MACROD2: variants seen among roughly 807,000 people sequenced by gnomAD.
The protein encoded by MACROD2 is mono-ADP ribosylhydrolase 2.
MACROD2 carries 36 observed loss-of-function variants against 70.4 expected under a neutral mutation model. That is an observed-to-expected ratio of 0.51 (90% CI 0.39 to 0.68). MACROD2 has a LOEUF of 0.68. Among genes scored for constraint, MACROD2 ranks in the 30% least tolerant of loss-of-function variants. MACROD2 has a pLI of 0.00. For missense variants in MACROD2, 496 were observed against 538.4 expected (o/e 0.92, Z 0.78); for synonymous variants, 172 against 178.8 (o/e 0.96, Z 0.30).
At chr20:15,098,885 G>C (rs1376647343) in intron 5 of MACROD2, among the ~76,000 whole-genome samples, 2 of 152,170 alleles carry the variant, frequency 1.3e-5, no homozygotes, top group Non-Finnish European at 2.9e-5. Context: ...GCCATCTTCA[G>C]GATAATTTTC....
At chr20:15,901,103 A>T (rs995817139) in intron 10 of MACROD2, among the ~76,000 whole-genome samples, 3 of 152,114 alleles carry the variant, frequency 2.0e-5, no homozygotes, top group Non-Finnish European at 2.9e-5. Flanking sequence ...TTTTAAATGC[A>T]TTGCTTGCAT....
intron 3 of MACROD2, among the ~76,000 whole-genome samples, chr20:14,332,317 A>AT (rs1216649903): frequency 3.3e-5 from 5 of 152,134 alleles, no homozygotes; most frequent in African/African-American, 1.2e-4. Flanking sequence ...GGAAACTAAT[A>AT]TAAGAAGTTG....
At chr20:15,547,641 G>A (rs1232074318) in intron 8 of MACROD2, among the ~76,000 whole-genome samples, 1 of 152,162 alleles carries the variant, frequency 6.6e-6, no homozygotes, top group African/African-American at 2.4e-5. Context: ...AATGTGTAAT[G>A]TGATCGCAAA....
At chr20:14,513,841 A>G (rs1482625643) in intron 4 of MACROD2, among the ~76,000 whole-genome samples, 1 of 152,066 alleles carries the variant, frequency 6.6e-6, no homozygotes. Context: ...TCACCATTAC[A>G]TAGTTTTAGT....
chr20:14,167,229 T>C (rs375923692), intron 3 of MACROD2, among the ~76,000 whole-genome samples: 52 of 152,254 alleles, frequency 3.4e-4, no homozygotes, highest in African/African-American at 1.2e-3. Flanking sequence ...TAATAGTTAA[T>C]TGTTGACAGT....
rs527536669 is a variant in MACROD2 at position 15,591,506 on chromosome 20, C to T, written c.645+91659C>T. On this transcript the variant is annotated intron_variant, in intron 8 of 17. Coordinates refer to ENST00000684519, the MANE Select transcript of MACROD2 (RefSeq NM_001351661.2). Reference sequence around the variant, plus strand: ...TGTCCCAGGAGGAGGTAATCATAGACACGTTGCTGCTTACAATGATGCTGA... The same window carrying T: ...TGTCCCAGGAGGAGGTAATCATAGATACGTTGCTGCTTACAATGATGCTGA... 9.8e-5 allele frequency among the ~76,000 whole-genome samples: 14 copies of T among 143,146 alleles called. No individual in the cohort carries two copies. The South Asian group carries it at 1.8e-3, about 18-fold the overall frequency. The allele number at this position is 143,146 out of a possible 152,430, so 93.9% of individuals were successfully genotyped here.
chr20:14,592,989 T>C (rs1251598754), intron 4 of MACROD2, among the ~76,000 whole-genome samples: 1 of 152,146 alleles, frequency 6.6e-6, no homozygotes, highest in Non-Finnish European at 1.5e-5. Flanking sequence ...ACATTAGGCC[T>C]CAAAATCTTA....
At chr20:15,479,568 C>T (rs914333649) in intron 7 of MACROD2, among the ~76,000 whole-genome samples, 5 of 152,148 alleles carry the variant, frequency 3.3e-5, no homozygotes, top group Non-Finnish European at 7.3e-5. Context: ...CCACCGCGCC[C>T]GGCCTAGATT....
intron 8 of MACROD2, among the ~76,000 whole-genome samples, chr20:15,527,985 G>T (rs985228766): frequency 6.6e-6 from 1 of 152,136 alleles, no homozygotes; most frequent in Non-Finnish European, 1.5e-5. Context: ...AAGGATTTTT[G>T]ATTATTTTAT....
intron 6 of MACROD2, among the ~76,000 whole-genome samples, chr20:15,413,338 T>C (rs925263501): frequency 1.3e-5 from 2 of 152,270 alleles, no homozygotes; most frequent in Non-Finnish European, 1.5e-5. Flanking sequence ...CTAAAGGAAA[T>C]ACACCATATG....
rs190905522 is a variant in MACROD2, at chr20:15,747,135, A to C, written c.646-115610A>C. Among the ~76,000 whole-genome samples the C allele has an allele frequency of 2.6e-5, 4 of 152,260 alleles. No homozygotes were observed. In the East Asian group the frequency reaches 7.7e-4, roughly 29 times the overall value. ...GTCAGAGTGAAAAAAGAGTATCCTC[A>C]AAGTTCCTCCCTCTACCATAATAAG... On this transcript the variant is annotated intron_variant, in intron 8 of 17. Coordinates refer to ENST00000684519, the MANE Select transcript of MACROD2 (RefSeq NM_001351661.2).
At chr20:15,915,280 G>A (rs937591291) in intron 10 of MACROD2, among the ~76,000 whole-genome samples, 1 of 152,006 alleles carries the variant, frequency 6.6e-6, no homozygotes, top group Non-Finnish European at 1.5e-5. Flanking sequence ...GCCCCACCCT[G>A]AAGCTATCGA....
At chr20:15,768,684 A>G (rs1242848941) in intron 8 of MACROD2, among the ~76,000 whole-genome samples, 1 of 152,224 alleles carries the variant, frequency 6.6e-6, no homozygotes, top group African/African-American at 2.4e-5. Flanking sequence ...ACTTAATTTT[A>G]ACTTTTTGAC....
chr20:15,032,490 G>A (rs1410439592), intron 5 of MACROD2, among the ~76,000 whole-genome samples: 2 of 152,194 alleles, frequency 1.3e-5, no homozygotes, highest in Non-Finnish European at 2.9e-5. Context: ...GGGATTCACG[G>A]AGCTGAGAGC....
chr20:15,278,053 G>A (rs563816519), intron 6 of MACROD2, among the ~76,000 whole-genome samples: 94 of 152,140 alleles, frequency 6.2e-4, no homozygotes, highest in Non-Finnish European at 1.2e-3. Flanking sequence ...ATGTATAGCA[G>A]AATAAAAAAC....
intron 2 of MACROD2, among the ~76,000 whole-genome samples, chr20:14,077,981 C>T (rs764482009): frequency 6.6e-6 from 1 of 151,064 alleles, no homozygotes; most frequent in Non-Finnish European, 1.5e-5. Context: ...CGGCTCACTG[C>T]AACCTCTGCC....
chr20:15,982,437 A>G (rs1438818407), intron 13 of MACROD2, among the ~76,000 whole-genome samples: 1 of 152,142 alleles, frequency 6.6e-6, no homozygotes, highest in East Asian at 1.9e-4. Flanking sequence ...GAGTCCTGCA[A>G]TGAGTTTCTT....
chr20:15,134,431 C>G (rs962139915), intron 5 of MACROD2, among the ~76,000 whole-genome samples: 1 of 151,944 alleles, frequency 6.6e-6, no homozygotes, highest in Non-Finnish European at 1.5e-5. Context: ...AGCCGCTCAA[C>G]TACATGGAAA....
intron 8 of MACROD2, among the ~76,000 whole-genome samples, chr20:15,550,979 A>G (rs775759882): frequency 2.6e-5 from 4 of 152,232 alleles, no homozygotes; most frequent in Non-Finnish European, 4.4e-5. Flanking sequence ...TGTTTTATCC[A>G]GCGTGCCTGC....
Sources: allele counts gnomAD v4.1 joint callset (sites outside exome capture counted in the v4.1 genomes callset), GRCh38; gene constraint gnomAD v4.1.1; transcripts MANE v1.5; gene names NCBI Gene and HGNC (gene_info 2026-07-23, HGNC 2026-07-21).